The following MYT1L variants were observed in gnomAD, a reference collection of about 807,000 sequenced individuals.
The protein encoded by MYT1L is myelin transcription factor 1 like, also known as myelin transcription factor 1-like protein.
A neutral mutation model predicts 126.7 loss-of-function variants in MYT1L; 12 were observed. The ratio of observed to expected loss-of-function variants is 0.09; its 90% CI spans 0.06 to 0.15. The LOEUF (loss-of-function observed/expected upper bound fraction) is 0.15, where lower values mean the gene tolerates loss of function less well. Among genes scored for constraint, MYT1L ranks in the 10% least tolerant of loss-of-function variants. MYT1L has a pLI of 1.00. For synonymous variants in MYT1L, 541 were observed against 604.2 expected, an observed-to-expected ratio of 0.90 and a Z score of 1.53; for missense variants, 979 against 1,585.2, an observed-to-expected ratio of 0.62 and a Z score of 6.49.
chr2:1,794,219 C>T (rs902784994), intron 23 of MYT1L, among the ~76,000 whole-genome samples: 5 of 152,210 alleles, frequency 3.3e-5, no homozygotes, highest in African/African-American at 9.6e-5. Context: ...GCCCCTCGGC[C>T]CCTCCTGTCT....
intron 3 of MYT1L, among the ~76,000 whole-genome samples, chr2:2,129,645 G>A (rs1239902853): frequency 1.3e-5 from 2 of 152,276 alleles, no homozygotes; most frequent in South Asian, 2.1e-4. Flanking sequence ...GGTGGCTCAC[G>A]CCTGTAATCC....
At chr2:1,888,567 AAAG>A (rs565153390) in intron 16 of MYT1L, among the ~76,000 whole-genome samples, 175 of 152,332 alleles carry the variant, frequency 1.1e-3, no homozygotes, top group African/African-American at 4.0e-3. Flanking sequence ...TTCAGTGAAG[AAAG>A]AAGATGTCAT....
intron 3 of MYT1L, among the ~76,000 whole-genome samples, chr2:2,095,836 G>T (rs1200186125): frequency 6.6e-6 from 1 of 152,164 alleles, no homozygotes; most frequent in East Asian, 1.9e-4. Flanking sequence ...TCATACTTGG[G>T]TTGGAACTGT....
In MYT1L at chr2:1,887,727, T is replaced by C; in HGVS notation, c.2521-118A>G. 1 of 1,230,930 alleles carries C rather than the reference T, an allele frequency of 8.1e-7. No individual in the cohort carries two copies. The highest frequency in any genetic ancestry group is 1.2e-6 in the Non-Finnish European group (1 of 865,234). 76.3% of individuals were successfully genotyped at this position (1,230,930 alleles called of 1,614,324 possible). On this transcript the variant is annotated intron_variant, in intron 16 of 24. Coordinates refer to ENST00000647738, the MANE Select transcript of MYT1L (RefSeq NM_001303052.2). The surrounding 1 kb of genome is among the most constrained non-coding windows in gnomAD (Gnocchi z 4.8). ...TCTTACACCTCTTTCTGCTGTACCTTTAAGATCCTTTTGGTCCTGATAACG... is the reference window on the plus strand; with the variant it reads ...TCTTACACCTCTTTCTGCTGTACCTCTAAGATCCTTTTGGTCCTGATAACG...
At chr2:2,039,637 A>T (rs1236085208) in intron 4 of MYT1L, among the ~76,000 whole-genome samples, 1 of 152,236 alleles carries the variant, frequency 6.6e-6, no homozygotes, top group African/African-American at 2.4e-5. Flanking sequence ...TTCTCCACCC[A>T]TCAACAAAAT....
intron 3 of MYT1L, among the ~76,000 whole-genome samples, chr2:2,118,621 C>CAGG (rs1280620338): frequency 4.6e-5 from 7 of 152,086 alleles, no homozygotes; most frequent in Non-Finnish European, 8.8e-5. Flanking sequence ...ATTTTAAAAT[C>CAGG]GACAACAAAA....
In MYT1L at chr2:2,043,597, G is replaced by A. The variant is rs574087438; in HGVS notation, c.-158+10381C>T. ...CTGCAAGACATCTTGAAAGAGCTGTGCCCACTGTCTGTGTGGCCTCCTCCC... is the reference window on the plus strand; with the variant it reads ...CTGCAAGACATCTTGAAAGAGCTGTACCCACTGTCTGTGTGGCCTCCTCCC... On this transcript the variant is annotated intron_variant, in intron 4 of 24. Transcript: ENST00000647738. Among the ~76,000 whole-genome samples, 9 of 152,206 alleles carry A rather than the reference G, an allele frequency of 5.9e-5. No homozygotes were observed. In the East Asian group the frequency reaches 9.7e-4, roughly 16 times the overall value.
chr2:1,884,020 G>A (rs1414247311), intron 18 of MYT1L: 1 of 152,210 alleles, frequency 6.6e-6, no homozygotes, highest in African/African-American at 2.4e-5. Context: ...ATCTCAGGAA[G>A]TTTAAGAGCT....
In MYT1L at chr2:1,951,876, T is replaced by C. The variant is rs115629671; in HGVS notation, c.153-8542A>G. On this transcript the variant is annotated intron_variant, in intron 8 of 24. Coordinates refer to ENST00000647738, the MANE Select transcript of MYT1L (RefSeq NM_001303052.2). ...TTAAAGCGTTACTCTTATACGTTTC[T>C]AGAATACATAAAAGCACTTAAAAAG... Among the ~76,000 whole-genome samples, 1,355 of 152,334 alleles carry C rather than the reference T, an allele frequency of 8.9e-3. 22 individuals carry two copies. The highest frequency in any genetic ancestry group is 0.031 in the African/African-American group (1,281 of 41,580).
intron 1 of MYT1L, among the ~76,000 whole-genome samples, chr2:2,294,123 A>G (rs2095638651): frequency 6.6e-6 from 1 of 152,218 alleles, no homozygotes; most frequent in Admixed American, 6.5e-5. Context: ...AATTATGGTG[A>G]CAGCTCAGAC....
At chr2:1,966,564 G>A (rs2059375331) in intron 8 of MYT1L, among the ~76,000 whole-genome samples, 1 of 151,916 alleles carries the variant, frequency 6.6e-6, no homozygotes. Flanking sequence ...TTCATCCCAG[G>A]GAAGAAACGA....
chr2:2,168,476 C>T (rs1431506414), intron 3 of MYT1L, among the ~76,000 whole-genome samples: 1 of 152,188 alleles, frequency 6.6e-6, no homozygotes. Flanking sequence ...TGCACATCAG[C>T]TGTTTCTAAA....
In MYT1L at chr2:1,801,571, A is replaced by C. The variant is rs1362977803; in HGVS notation, c.3276+125T>G. ...GAAGACCAATATCATAAGGTGGAAA[A>C]ATAAAGGAAATAAAAGAGCAAATAA... On this transcript the variant is annotated intron_variant, in intron 23 of 24. Transcript: ENST00000647738. The surrounding 1 kb of genome is among the most constrained non-coding windows in gnomAD (Gnocchi z 4.2). 4.5e-6 allele frequency: 3 copies of C among 664,786 alleles called. No individual in the cohort carries two copies. The highest frequency in any genetic ancestry group is 7.9e-6 in the Non-Finnish European group (3 of 378,330). The allele number at this position is 664,786 out of a possible 1,614,324, so 41.2% of individuals were successfully genotyped here. A position where few individuals can be genotyped will look rare whatever the true frequency, so the allele number is the denominator to read the frequency against.
chr2:2,010,496 A>C (rs745863482), intron 4 of MYT1L, among the ~76,000 whole-genome samples: 2 of 152,006 alleles, frequency 1.3e-5, no homozygotes, highest in Non-Finnish European at 2.9e-5. Context: ...GGCACATGGG[A>C]GGTGCCACTC....
At chr2:2,185,609 C>G (rs1357929532) in intron 2 of MYT1L, among the ~76,000 whole-genome samples, 1 of 144,524 alleles carries the variant, frequency 6.9e-6, no homozygotes, top group Non-Finnish European at 1.5e-5. Context: ...CGGGCCTTCC[C>G]GAGTCCCGCG....
At chr2:2,296,243 G>A (rs566671918) in intron 1 of MYT1L, among the ~76,000 whole-genome samples, 3 of 152,106 alleles carry the variant, frequency 2.0e-5, no homozygotes, top group South Asian at 4.1e-4. Context: ...TATTTAAGAG[G>A]CAAGAGGAAA....
intron 4 of MYT1L, among the ~76,000 whole-genome samples, chr2:2,039,075 G>A (rs1202759162): frequency 2.0e-5 from 3 of 152,166 alleles, no homozygotes; most frequent in African/African-American, 7.2e-5. Flanking sequence ...GAACAGCACT[G>A]GCACATGGAA....
intron 4 of MYT1L, among the ~76,000 whole-genome samples, chr2:2,020,121 A>G (rs1037275222): frequency 1.3e-4 from 20 of 152,318 alleles, no homozygotes; most frequent in African/African-American, 4.6e-4. Context: ...CTGAGATTAC[A>G]GGTGTGAGCC....
In MYT1L at chr2:1,996,489, C is replaced by T. The variant is rs538738411; in HGVS notation, c.-1+702G>A. On this transcript the variant is annotated intron_variant, in intron 5 of 24. Transcript: ENST00000647738. ...TGCCTCAGTGTGGGCTGCACAGAGCCGAGTGTAGACGGGCCGCCTTTACCT... is the reference window on the plus strand; with the variant it reads ...TGCCTCAGTGTGGGCTGCACAGAGCTGAGTGTAGACGGGCCGCCTTTACCT... Among the ~76,000 whole-genome samples the T allele has an allele frequency of 5.2e-3, 774 of 147,746 alleles. 11 individuals carry two copies. Among genetic ancestry groups the T allele is most frequent in the African/African-American group, 0.018 (712 of 39,560 alleles).
Sources: allele counts gnomAD v4.1 joint callset (sites outside exome capture counted in the v4.1 genomes callset), GRCh38; gene constraint gnomAD v4.1.1; non-coding constraint Gnocchi (gnomAD v3.1); transcripts MANE v1.5; gene names NCBI Gene and HGNC (gene_info 2026-07-23, HGNC 2026-07-21).